ATRN: variants seen among roughly 807,000 people sequenced by gnomAD.
The protein encoded by ATRN is attractin, also known as attractin-2.
In ATRN, 54 loss-of-function variants were observed where a neutral mutation model predicts 178.7. The observed-to-expected ratio is 0.30, with a 90% confidence interval of 0.24 to 0.38. The LOEUF (loss-of-function observed/expected upper bound fraction) is 0.38, where lower values mean the gene tolerates loss of function less well. Among genes scored for constraint, ATRN ranks in the 10% least tolerant of loss-of-function variants. The pLI, the probability that ATRN is intolerant of heterozygous loss-of-function variation, is 1.00. For missense variants in ATRN, 1,443 were observed against 1,815.1 expected (o/e 0.79, Z 3.73); for synonymous variants, 636 against 663.0 (o/e 0.96, Z 0.63).
chr20:3,557,445 C>T (rs1051250812), intron 6 of ATRN, among the ~76,000 whole-genome samples: 3 of 152,196 alleles, frequency 2.0e-5, no homozygotes, highest in Non-Finnish European at 2.9e-5. Context: ...ATAGTGTACC[C>T]AGCCAAGGTG....
intron 1 of ATRN, among the ~76,000 whole-genome samples, chr20:3,485,610 GTTTTTTTTT>G (rs3084238): frequency 1.0e-4 from 7 of 67,900 alleles, no homozygotes; most frequent in African/African-American, 2.2e-4. Flanking sequence ...TTTTTTTGAG[GTTTTTTTTT>G]TTTTTTTTTT....
rs140425399 is a variant in ATRN at position 3,618,807 on chromosome 20, A to G, written c.3802-5704A>G. Among the ~76,000 whole-genome samples the G allele has an allele frequency of 2.0e-5, 3 of 151,958 alleles. No homozygotes were observed. The East Asian group carries it at 5.8e-4, about 29-fold the overall frequency. On this transcript the variant is annotated intron_variant, in intron 24 of 28. Transcript: ENST00000262919. ...TCTGGTCCAGAGCTGTGGTCTTGAC[A>G]TAGAGTTCCATGTATGAACTTTGGT...
chr20:3,474,581 C>T (rs922969078), intron 1 of ATRN, among the ~76,000 whole-genome samples: 1 of 151,782 alleles, frequency 6.6e-6, no homozygotes, highest in Non-Finnish European at 1.5e-5. Flanking sequence ...GTGGCGGGCA[C>T]CTGTAGTCCC....
chr20:3,632,497 G>A lies in ATRN; in HGVS notation c.3864-1814G>A, dbSNP rs570599152. On this transcript the variant is annotated intron_variant, in intron 25 of 28. Transcript: ENST00000262919. The surrounding 1 kb of genome is among the most constrained non-coding windows in gnomAD (Gnocchi z 4.2). The stretch of plus-strand genomic sequence containing the variant: ...GCCATCCCAGGCACGGCCTTGCCTC[G>A]GGCTTTGCACTGACTGCTCCTTTTT... 5.3e-5 allele frequency among the ~76,000 whole-genome samples: 8 copies of A among 152,132 alleles called. No homozygotes were observed. Among genetic ancestry groups the A allele is most frequent in the South Asian group, 2.1e-4 (1 of 4,814 alleles).
chr20:3,643,660 T>C (rs1174800502), intron 27 of ATRN, among the ~76,000 whole-genome samples: 1 of 152,198 alleles, frequency 6.6e-6, no homozygotes, highest in Non-Finnish European at 1.5e-5. Context: ...CAACCCAGCT[T>C]TTACAAGCTT....
At chr20:3,602,201 G>A (rs1054460881) in intron 23 of ATRN, among the ~76,000 whole-genome samples, 13 of 151,422 alleles carry the variant, frequency 8.6e-5, no homozygotes, top group African/African-American at 3.2e-4. Context: ...GTGGAGGCAC[G>A]TGCCTGTAAT....
chr20:3,524,167 CAT>C lies in ATRN; in HGVS notation c.411-11085_411-11084del, dbSNP rs527985422. 3.3e-3 allele frequency among the ~76,000 whole-genome samples: 491 copies of C among 150,202 alleles called. 5 individuals are homozygous for C. The highest frequency in any genetic ancestry group is 0.012 in the African/African-American group (470 of 40,742). ...TGTGCTGTATTTAGGAGACCCAACT[CAT>C]GTGCAAAGACACACATAGGCTCAAA... On this transcript the variant is annotated intron_variant, in intron 1 of 28. Coordinates refer to ENST00000262919, the MANE Select transcript of ATRN (RefSeq NM_139321.3).
At position 3,575,488 on chromosome 20, in the gene ATRN, T is replaced by G. The variant is rs1600121752; in HGVS notation, c.2093-339T>G. ...CCTACAATATTTTGGCTCCTGGGCT[T>G]CTTTGGTGTTCATTCTATTACTAGT... On this transcript the variant is annotated intron_variant, in intron 12 of 28. Transcript: ENST00000262919. Among the ~76,000 whole-genome samples, 3 of 152,226 alleles carry G rather than the reference T, an allele frequency of 2.0e-5. No homozygotes were observed. In the East Asian group the frequency reaches 5.8e-4, roughly 29 times the overall value.
At chr20:3,620,853 TAC>T (rs1464751600) in intron 24 of ATRN, among the ~76,000 whole-genome samples, 1 of 152,212 alleles carries the variant, frequency 6.6e-6, no homozygotes, top group African/African-American at 2.4e-5. Context: ...TGTCTGTCTT[TAC>T]ACAGCCATGG....
intron 24 of ATRN, among the ~76,000 whole-genome samples, chr20:3,622,913 C>T (rs1324744460): frequency 6.6e-6 from 1 of 152,156 alleles, no homozygotes; most frequent in Non-Finnish European, 1.5e-5. Flanking sequence ...CGGGGGCTGC[C>T]CTGAGGAGTG....
At chr20:3,629,194 C>A (rs1425217215) in intron 25 of ATRN, 1 of 985,264 alleles carries the variant, frequency 1.0e-6, no homozygotes, top group Admixed American at 6.2e-5. Flanking sequence ...TTGACTTTGG[C>A]CCCTCCAGAA....
At chr20:3,554,278 A>C (rs937977855) in intron 6 of ATRN, among the ~76,000 whole-genome samples, 2 of 151,574 alleles carry the variant, frequency 1.3e-5, no homozygotes, top group Non-Finnish European at 2.9e-5. Flanking sequence ...TTTTAGAAGT[A>C]GTGTTTCTGG....
At chr20:3,572,689 C>A in intron 11 of ATRN, 42 bp from the exon 12 acceptor site, 1 of 1,508,490 alleles carries the variant, frequency 6.6e-7, no homozygotes, top group Non-Finnish European at 9.1e-7. Flanking sequence ...CAATTGTTAT[C>A]TGAGTCTCTA....
intron 1 of ATRN, among the ~76,000 whole-genome samples, chr20:3,528,666 T>C (rs1324003034): frequency 6.6e-6 from 1 of 152,082 alleles, no homozygotes; most frequent in African/African-American, 2.4e-5. Context: ...GATGGAATTA[T>C]CTGTACATCA....
intron 24 of ATRN, among the ~76,000 whole-genome samples, chr20:3,620,215 G>A (rs1355591799): frequency 6.8e-6 from 1 of 147,546 alleles, no homozygotes; most frequent in African/African-American, 2.6e-5. Flanking sequence ...AGGAGCACAG[G>A]AGGAGTTTTG....
chr20:3,531,630 G>T (rs2085454308), intron 1 of ATRN, among the ~76,000 whole-genome samples: 1 of 152,228 alleles, frequency 6.6e-6, no homozygotes, highest in African/African-American at 2.4e-5. Flanking sequence ...AGCAAAGAAA[G>T]ATGCAGAAAA....
chr20:3,568,522 A>G (rs923572842), intron 11 of ATRN, among the ~76,000 whole-genome samples: 6 of 151,768 alleles, frequency 4.0e-5, no homozygotes, highest in African/African-American at 1.2e-4. Flanking sequence ...CAAAAAAAAT[A>G]TATTTCAGAT....
chr20:3,540,814 T>C (rs1457285435), intron 3 of ATRN, among the ~76,000 whole-genome samples: 3 of 152,146 alleles, frequency 2.0e-5, no homozygotes, highest in Non-Finnish European at 2.9e-5. Flanking sequence ...TGAGGGAAAC[T>C]TTTTGGAACA....
chr20:3,513,693 CT>C (rs1476246894), intron 1 of ATRN, among the ~76,000 whole-genome samples: 2 of 152,084 alleles, frequency 1.3e-5, no homozygotes, highest in East Asian at 1.9e-4. Context: ...TATAAATTAC[CT>C]TTTTCACCAT....
Sources: allele counts gnomAD v4.1 joint callset (sites outside exome capture counted in the v4.1 genomes callset), GRCh38; gene constraint gnomAD v4.1.1; non-coding constraint Gnocchi (gnomAD v3.1); transcripts MANE v1.5; gene names NCBI Gene and HGNC (gene_info 2026-07-23, HGNC 2026-07-21).